The following CDC42SE2 variants were observed in gnomAD, a reference collection of about 807,000 sequenced individuals.
CDC42SE2 encodes CDC42 small effector 2, also known as CDC42 small effector protein 2.
Under a neutral mutation model 11.5 loss-of-function variants are expected in CDC42SE2, and 3 were observed. The observed-to-expected ratio is 0.26, with a 90% CI of 0.12 to 0.67. The LOEUF (loss-of-function observed/expected upper bound fraction) is 0.67. Among genes scored for constraint, CDC42SE2 ranks in the 30% least tolerant of loss-of-function variants. The probability of loss-of-function intolerance (pLI) is 0.80; values close to 1 mark genes in which losing one functional copy is unlikely to be tolerated. For missense variants in CDC42SE2, 82 were observed against 106.8 expected (o/e 0.77, Z 1.02); for synonymous variants, 33 against 34.8 (o/e 0.95, Z 0.18).
intron 2 of CDC42SE2, among the ~76,000 whole-genome samples, chr5:131,339,784 T>C (rs997667988): frequency 6.1e-5 from 9 of 146,660 alleles, no homozygotes; most frequent in African/African-American, 2.3e-4. Context: ...CACTCTAGCC[T>C]GAATGACAGA....
chr5:131,274,265 C>G (rs929266017), intron 1 of CDC42SE2, among the ~76,000 whole-genome samples: 1 of 152,112 alleles, frequency 6.6e-6, no homozygotes, highest in Non-Finnish European at 1.5e-5. Flanking sequence ...GTCCCCATTC[C>G]CGTCTTCCTC....
intron 1 of CDC42SE2, among the ~76,000 whole-genome samples, chr5:131,252,107 A>AT (rs1471020201): frequency 2.2e-4 from 34 of 151,258 alleles, no homozygotes; most frequent in Non-Finnish European, 4.1e-4. Flanking sequence ...GAAGGAAGGA[A>AT]GGAATCATGT....
rs1295799421 is a variant in CDC42SE2 at position 131,392,137 on chromosome 5, ATTTTGCAGTTTT to A, written c.*1051_*1062del. On this transcript the variant is annotated 3_prime_UTR_variant, in exon 5 of 5. Transcript: ENST00000505065. The stretch of plus-strand genomic sequence containing the variant: ...GATCTTTTTTGTGAATGCTAACACC[ATTTTGCAGTTTT>A]TTTTTTCTATTTTAAACATTTTTCT... 6.8e-6 allele frequency: 1 copy of A among 147,518 alleles called. No homozygotes were observed. The highest frequency in any genetic ancestry group is 1.5e-5 in the Non-Finnish European group (1 of 67,690). The allele number at this position is 147,518 out of a possible 1,614,324, so 9.1% of individuals were successfully genotyped here.
At chr5:131,281,895 G>C (rs1047505579) in intron 1 of CDC42SE2, among the ~76,000 whole-genome samples, 16 of 152,174 alleles carry the variant, frequency 1.1e-4, no homozygotes, top group Admixed American at 3.3e-4. Context: ...ATTAAATGAA[G>C]TAATGCACAT....
chr5:131,359,336 G>T lies in CDC42SE2; in HGVS notation c.-158G>T. On this transcript the variant is annotated 5_prime_UTR_variant, in exon 3 of 5. Coordinates refer to ENST00000505065, the MANE Select transcript of CDC42SE2 (RefSeq NM_001375635.1). ...CAAATTTTTCTTTATTAAATCGACTGTGTAAGATACTTGACTTCCAGGAAC... is the reference window on the plus strand; with the variant it reads ...CAAATTTTTCTTTATTAAATCGACTTTGTAAGATACTTGACTTCCAGGAAC... The T allele has an allele frequency of 1.4e-6, 1 of 698,612 alleles. No individual in the cohort carries two copies. Among genetic ancestry groups the T allele is most frequent in the Non-Finnish European group, 2.6e-6 (1 of 380,600 alleles). 43.3% of individuals were successfully genotyped at this position (698,612 alleles called of 1,614,324 possible).
rs372747636 is a variant in CDC42SE2, at chr5:131,387,664, C to T, written c.156+2020C>T. On this transcript the variant is annotated intron_variant, in intron 4 of 4. Coordinates refer to ENST00000505065, the MANE Select transcript of CDC42SE2 (RefSeq NM_001375635.1). ...ATTCCTCCTTGAATGAAAAACCTGT[C>T]ATTGGCTTACTATTTTTTTGCTTCT... 2.6e-5 allele frequency among the ~76,000 whole-genome samples: 4 copies of T among 152,266 alleles called. No homozygotes were observed. In the East Asian group the frequency reaches 7.7e-4, roughly 29 times the overall value.
chr5:131,334,832 T>G (rs939677645), intron 2 of CDC42SE2, among the ~76,000 whole-genome samples: 8 of 152,184 alleles, frequency 5.3e-5, no homozygotes, highest in Non-Finnish European at 1.0e-4. Flanking sequence ...CATTTTTTAT[T>G]GGGTCTATTT....
intron 1 of CDC42SE2, among the ~76,000 whole-genome samples, chr5:131,295,855 T>C (rs1459299442): frequency 6.6e-6 from 1 of 152,118 alleles, no homozygotes; most frequent in African/African-American, 2.4e-5. Flanking sequence ...GCTAAGTTTT[T>C]GTATTTTGTT....
Position 131,359,469 on chromosome 5 carries a change from T to C in CDC42SE2, c.-25T>C. 1 of 1,599,036 alleles carries C rather than the reference T, an allele frequency of 6.3e-7. No individual in the cohort carries two copies. Among genetic ancestry groups the C allele is most frequent in the South Asian group, 1.1e-5 (1 of 90,786 alleles). Reference sequence around the variant, plus strand: ...AGTTGAGATTTGGAACCTTCATTGGTGCTCATTTACTGTGGACTGTAAGCA... The same window carrying C: ...AGTTGAGATTTGGAACCTTCATTGGCGCTCATTTACTGTGGACTGTAAGCA... On this transcript the variant is annotated 5_prime_UTR_variant, in exon 3 of 5. Transcript: ENST00000505065.
intron 2 of CDC42SE2, among the ~76,000 whole-genome samples, chr5:131,353,887 C>G (rs946500883): frequency 6.7e-6 from 1 of 149,676 alleles, no homozygotes; most frequent in East Asian, 2.0e-4. Context: ...ACTCTGGCCT[C>G]GGTGACAGAG....
At chr5:131,231,728 T>C in the CDC42SE2 span, among the ~76,000 whole-genome samples, 1 of 152,232 alleles carries the variant, frequency 6.6e-6, no homozygotes, top group Non-Finnish European at 1.5e-5. Context: ...TGCCTTCTGT[T>C]GAAATCATTA....
At chr5:131,259,879 C>T (rs1453574781), upstream of CDC42SE2, among the ~76,000 whole-genome samples, 2 of 152,212 alleles carry the variant, frequency 1.3e-5, no homozygotes, top group African/African-American at 4.8e-5. Flanking sequence ...GTGTCTGGCA[C>T]GTTGTGGTGG....
chr5:131,383,003 G>C (rs1750368129), intron 3 of CDC42SE2, among the ~76,000 whole-genome samples: 1 of 152,114 alleles, frequency 6.6e-6, no homozygotes, highest in Admixed American at 6.5e-5. Flanking sequence ...CATTGTTTAA[G>C]GCTAATTCAT....
At chr5:131,328,102 T>C (rs567524532) in intron 2 of CDC42SE2, among the ~76,000 whole-genome samples, 2 of 152,282 alleles carry the variant, frequency 1.3e-5, no homozygotes, top group Admixed American at 6.5e-5. Flanking sequence ...GTCTTAAATA[T>C]GATGACAGCA....
intron 1 of CDC42SE2, among the ~76,000 whole-genome samples, chr5:131,281,883 G>A (rs1229958920): frequency 1.3e-5 from 2 of 152,118 alleles, no homozygotes; most frequent in Non-Finnish European, 2.9e-5. Context: ...ACATTTGTTA[G>A]GATTAAATGA....
At chr5:131,374,119 A>G (rs960641794) in intron 3 of CDC42SE2, among the ~76,000 whole-genome samples, 17 of 150,986 alleles carry the variant, frequency 1.1e-4, no homozygotes, top group African/African-American at 4.2e-4. Context: ...CCTGAACTAC[A>G]AAACAAAACA....
chr5:131,358,720 C>G (rs1412698427), intron 2 of CDC42SE2, among the ~76,000 whole-genome samples: 1 of 152,064 alleles, frequency 6.6e-6, no homozygotes, highest in Non-Finnish European at 1.5e-5. Flanking sequence ...AGCTCTAATT[C>G]CAGTGGATAA....
At chr5:131,260,018 C>G (rs1283817252), upstream of CDC42SE2, among the ~76,000 whole-genome samples, 1 of 152,206 alleles carries the variant, frequency 6.6e-6, no homozygotes, top group Non-Finnish European at 1.5e-5. Flanking sequence ...AAATGTAGAA[C>G]AATGAGCTTA....
chr5:131,331,946 A>G (rs1346024102), intron 2 of CDC42SE2, among the ~76,000 whole-genome samples: 1 of 152,200 alleles, frequency 6.6e-6, no homozygotes, highest in African/African-American at 2.4e-5. Flanking sequence ...GGGTTATACA[A>G]AAACCTTGAA....
Sources: allele counts gnomAD v4.1 joint callset (sites outside exome capture counted in the v4.1 genomes callset), GRCh38; gene constraint gnomAD v4.1.1; transcripts MANE v1.5; gene names NCBI Gene and HGNC (gene_info 2026-07-23, HGNC 2026-07-21).